The following ABCC4 variants were observed in gnomAD, a reference collection of about 807,000 sequenced individuals.
ABCC4 encodes the protein ATP-binding cassette sub-family C member 4.
ABCC4 carries 102 observed loss-of-function variants against 168.5 expected under a neutral mutation model. The ratio of observed to expected loss-of-function variants is 0.61; its 90% CI spans 0.52 to 0.71. The LOEUF is 0.71. ABCC4 is among the 30% of genes least tolerant of loss of function. The probability of loss-of-function intolerance (pLI) is 0.00; values close to 1 mark genes in which losing one functional copy is unlikely to be tolerated. For missense variants in ABCC4, 1,402 were observed against 1,605.8 expected (o/e 0.87, Z 2.17); for synonymous variants, 617 against 590.7 (o/e 1.04, Z -0.65).
Position 95,021,628 on chromosome 13 carries a change from T to G in ABCC4, c.3925A>C (p.Asn1309His). 6.2e-7 allele frequency: 1 copy of G among 1,613,546 alleles called. No homozygotes were observed. The highest frequency in any genetic ancestry group is 2.2e-5 in the East Asian group (1 of 44,884). The change falls in exon 31 of 31, where the codon AAC (asparagine) becomes CAC (histidine). Residue 1309 changes from asparagine (N) to histidine (H), a missense_variant. By Grantham distance (68) the Asn-to-His change is moderately conservative. Coordinates refer to ENST00000645237, the MANE Select transcript of ABCC4 (RefSeq NM_005845.5). ...GTCGAGGGCTGTCCATTGGAAGTGT[T>G]TGTAACCATGTGGTCAGTGTGACCA... Reference protein sequence around the residue: ...HIGHTDHMVTNTSNGQPSTLT... With the variant: ...HIGHTDHMVTHTSNGQPSTLT...
Position 95,186,857 on chromosome 13 carries a change from G to A in ABCC4, c.1389C>T (p.Ala463=), listed in dbSNP as rs140216261. The A allele has an allele frequency of 3.6e-5, 58 of 1,613,306 alleles. No homozygotes were observed. Among genetic ancestry groups the A allele is most frequent in the Admixed American group, 3.0e-4 (18 of 59,810 alleles). Residue 463 remains alanine, a synonymous_variant, in exon 11 of 31, where the codon GCC becomes GCT. Coordinates refer to ENST00000645237, the MANE Select transcript of ABCC4 (RefSeq NM_005845.5). ...GCACGCTGACCAGCCCGTGACTTGG[G>A]GCCAATTCCCCGAGCACGGCACTTA... The part of the protein sequence containing the change: ...SLLSAVLGEL[A]PSHGLVSVHG...
At chr13:95,179,098 A>C (rs542370132) in intron 11 of ABCC4, among the ~76,000 whole-genome samples, 1 of 152,338 alleles carries the variant, frequency 6.6e-6, no homozygotes, top group African/African-American at 2.4e-5. Flanking sequence ...CGGCTGGATA[A>C]GTGAGTCTGG....
In ABCC4 at chr13:95,127,830, T is replaced by C. The variant is rs184526117; in HGVS notation, c.2456-11829A>G. Among the ~76,000 whole-genome samples the C allele has an allele frequency of 2.6e-4, 40 of 152,300 alleles. No homozygotes were observed. The East Asian group carries it at 7.1e-3, about 27-fold the overall frequency. ...TGCTGGCTGACCTCTTCTCCATGTA[T>C]GGGAATGCGTAACATGTTTCAATTG... is the stretch of plus-strand genomic sequence containing the variant. On this transcript the variant is annotated intron_variant, in intron 19 of 30. Coordinates refer to ENST00000645237, the MANE Select transcript of ABCC4 (RefSeq NM_005845.5).
intron 27 of ABCC4, among the ~76,000 whole-genome samples, chr13:95,046,397 G>A (rs1185253565): frequency 6.6e-6 from 1 of 152,128 alleles, no homozygotes; most frequent in Non-Finnish European, 1.5e-5. Context: ...GAAGAATAAT[G>A]AACACATTTC....
At chr13:95,218,193 T>C (rs1323734578) in intron 4 of ABCC4, among the ~76,000 whole-genome samples, 1 of 152,250 alleles carries the variant, frequency 6.6e-6, no homozygotes, top group Non-Finnish European at 1.5e-5. Context: ...AGGATGAGTA[T>C]GTTTAATCAC....
Position 95,151,608 on chromosome 13 carries a change from GAGAAGGAGAAGAAGGAGA to G in ABCC4, c.2455+9563_2455+9580del, listed in dbSNP as rs557721111. Among the ~76,000 whole-genome samples the G allele has an allele frequency of 2.7e-4, 41 of 149,922 alleles. No homozygotes were observed. In the East Asian group the frequency reaches 6.4e-3, roughly 23 times the overall value. On this transcript the variant is annotated intron_variant, in intron 19 of 30. Transcript: ENST00000645237. The stretch of plus-strand genomic sequence containing the variant: ...GAAGGAGAAGAAGGAGGAGGAGAAG[GAGAAGGAGAAGAAGGAGA>G]AGAAGGAGGAGAAGGAGAAGAAGGA...
At chr13:95,180,160 A>G (rs2037842269) in intron 11 of ABCC4, among the ~76,000 whole-genome samples, 1 of 152,202 alleles carries the variant, frequency 6.6e-6, no homozygotes, top group African/African-American at 2.4e-5. Context: ...GATGGCATCA[A>G]ATGAAAGGTA....
At chr13:95,124,694 C>T (rs1243132592) in intron 19 of ABCC4, among the ~76,000 whole-genome samples, 1 of 142,788 alleles carries the variant, frequency 7.0e-6, no homozygotes, top group African/African-American at 2.6e-5. Context: ...CATGGTGAAA[C>T]CCTGTCTCTA....
chr13:95,107,909 A>C (rs1408245449), intron 20 of ABCC4, among the ~76,000 whole-genome samples: 2 of 152,206 alleles, frequency 1.3e-5, no homozygotes, highest in Non-Finnish European at 2.9e-5. Flanking sequence ...ACTGCACTCC[A>C]GCCTGGGCGA....
rs11568668 is a variant in ABCC4, at chr13:95,186,786, C to T, written c.1460G>A (p.Gly487Glu). 1.2e-4 allele frequency: 187 copies of T among 1,614,128 alleles called. No individual in the cohort carries two copies. In the East Asian group the frequency reaches 3.9e-3, roughly 34 times the overall value. ...YVSQQPWVFSGTLRSNILFGK... is the reference protein window; with the variant it reads ...YVSQQPWVFSETLRSNILFGK... ...AAATAAAATATTACTCCTCAGAGTTCCCGAGAACACCCAGGGCTGCTGAGA... is the reference window on the plus strand; with the variant it reads ...AAATAAAATATTACTCCTCAGAGTTTCCGAGAACACCCAGGGCTGCTGAGA... The change falls in exon 11 of 31, where the codon GGA becomes GAA. Residue 487 changes from glycine to glutamate, a missense_variant. Transcript: ENST00000645237.
intron 4 of ABCC4, among the ~76,000 whole-genome samples, chr13:95,222,865 C>A (rs1037458316): frequency 1.3e-5 from 2 of 152,070 alleles, no homozygotes; most frequent in African/African-American, 4.8e-5. Context: ...ACTAGAGGGA[C>A]GCTTTCGGTA....
chr13:95,276,315 T>C (rs935504156), intron 1 of ABCC4, among the ~76,000 whole-genome samples: 1 of 149,446 alleles, frequency 6.7e-6, no homozygotes, highest in Admixed American at 6.8e-5. Context: ...TTCCAGAGGC[T>C]GAAGTGGGAG....
Position 95,069,106 on chromosome 13 carries a change from T to G in ABCC4, c.3210+2556A>C, listed in dbSNP as rs1248621210. 2.6e-5 allele frequency among the ~76,000 whole-genome samples: 4 copies of G among 152,364 alleles called. No homozygotes were observed. In the East Asian group the frequency reaches 7.7e-4, roughly 29 times the overall value. ...AGGGTATCATTCATTCAATTGTGAC[T>G]ATAGCCCATTAAATGGGTCTGTGGT... On this transcript the variant is annotated intron_variant, in intron 25 of 30. Coordinates refer to ENST00000645237, the MANE Select transcript of ABCC4 (RefSeq NM_005845.5).
At position 95,210,727 on chromosome 13, in the gene ABCC4, T is replaced by G; in HGVS notation, c.586A>C (p.Asn196His). The G allele has an allele frequency of 6.2e-7, 1 of 1,614,186 alleles. No individual in the cohort carries two copies. Among genetic ancestry groups the G allele is most frequent in the Non-Finnish European group, 8.5e-7 (1 of 1,180,010 alleles). ...TTGTTCACATCATTGGACAGCAGATTGACTATCTGGCCTGTGGTTGTCTTC... is the reference window on the plus strand; with the variant it reads ...TTGTTCACATCATTGGACAGCAGATGGACTATCTGGCCTGTGGTTGTCTTC... ...MGKTTTGQIV[N>H]LLSNDVNKFD... The change falls in exon 5 of 31, where the codon AAT becomes CAT. Residue 196 changes from asparagine to histidine, a missense_variant. Physicochemically the swap from Asn to His is moderately conservative, Grantham distance 68. Around this residue, in one of 3 missense-constraint regions of ABCC4, gnomAD observed 317 missense variants for 345.5 expected, o/e 0.92. Transcript: ENST00000645237.
At chr13:95,119,411 T>G (rs1485950742) in intron 19 of ABCC4, among the ~76,000 whole-genome samples, 1 of 152,200 alleles carries the variant, frequency 6.6e-6, no homozygotes, top group Non-Finnish European at 1.5e-5. Flanking sequence ...TATTAAGTTA[T>G]GAGCACACTA....
intron 5 of ABCC4, 131 bp from the exon 6 acceptor site, chr13:95,209,728 C>G: frequency 6.3e-6 from 5 of 788,990 alleles, no homozygotes; most frequent in Non-Finnish European, 9.4e-6. Flanking sequence ...GGGTTTACAC[C>G]TGCTAAAGCA....
At chr13:95,023,698 C>A (rs2031226354) in intron 30 of ABCC4, among the ~76,000 whole-genome samples, 1 of 152,206 alleles carries the variant, frequency 6.6e-6, no homozygotes, top group Middle Eastern at 3.2e-3. Context: ...AGAGAAGTGG[C>A]CCCTAAGCAC....
At chr13:95,286,026 G>A (rs1319864973) in intron 1 of ABCC4, among the ~76,000 whole-genome samples, 1 of 152,078 alleles carries the variant, frequency 6.6e-6, no homozygotes. Context: ...ACTGGGTGTG[G>A]TGGTGCTATT....
At chr13:95,271,730 C>CATTG (rs2040852831) in intron 1 of ABCC4, among the ~76,000 whole-genome samples, 1 of 152,126 alleles carries the variant, frequency 6.6e-6, no homozygotes, top group African/African-American at 2.4e-5. Flanking sequence ...AACAAACAGA[C>CATTG]ATTGGTCCTA....
Sources: gnomAD v4.1 joint callset for allele counts (sites outside exome capture counted in the v4.1 genomes callset) on GRCh38, gnomAD v4.1.1 for gene constraint, gnomAD v4.1.1 regional missense constraint, MANE v1.5 for transcripts, NCBI Gene and HGNC (gene_info 2026-07-23, HGNC 2026-07-21) for gene names.